The following VPS53 variants were observed in gnomAD, a reference collection of about 807,000 sequenced individuals.
VPS53 encodes the protein vacuolar protein sorting-associated protein 53 homolog.
VPS53 carries 70 observed loss-of-function variants against 107.0 expected under a neutral mutation model. The observed-to-expected ratio is 0.65, with a 90% confidence interval of 0.54 to 0.80. The LOEUF is 0.80. Ranked by LOEUF, VPS53 falls within the 30% of genes least tolerant of loss-of-function variation. VPS53 has a pLI of 0.00. For missense variants in VPS53, 917 were observed against 1,049.4 expected (o/e 0.87, Z 1.74); for synonymous variants, 409 against 393.3 (o/e 1.04, Z -0.47).
rs530358286 is a variant in VPS53 at position 713,462 on chromosome 17, G to A, written c.87+1161C>T. On this transcript the variant is annotated intron_variant, in intron 1 of 21. Transcript: ENST00000437048. ...GAGGTCAGGAGTTCAAGACCAGCCT[G>A]GCCAACATGGTGAAACCCGGTCTCT... 4.0e-5 allele frequency among the ~76,000 whole-genome samples: 6 copies of A among 151,618 alleles called. 1 individual carries two copies. In the South Asian group the frequency reaches 1.3e-3, roughly 32 times the overall value.
At chr17:676,470 A>C (rs970173620) in intron 4 of VPS53, 1 of 152,246 alleles carries the variant, frequency 6.6e-6, no homozygotes, top group African/African-American at 2.4e-5. Flanking sequence ...AATCAAAAGC[A>C]AGAGTGACCT....
chr17:643,470 A>T (rs368285781), intron 7 of VPS53, among the ~76,000 whole-genome samples: 5 of 119,858 alleles, frequency 4.2e-5, no homozygotes, highest in South Asian at 6.0e-4. Flanking sequence ...CTTGGAAATC[A>T]AGGACAACAC....
At chr17:604,064 G>C (rs1968447674) in intron 11 of VPS53, among the ~76,000 whole-genome samples, 2 of 152,330 alleles carry the variant, frequency 1.3e-5, no homozygotes, top group African/African-American at 2.4e-5. Flanking sequence ...GACAGACACA[G>C]AATTTGAGTT....
At chr17:657,291 G>C in intron 5 of VPS53, 1 of 821,146 alleles carries the variant, frequency 1.2e-6, no homozygotes, top group African/African-American at 1.7e-5. Flanking sequence ...ATTCTCTCCT[G>C]TCTTGTCAAT....
chr17:659,816 T>C (rs966937208), intron 5 of VPS53, among the ~76,000 whole-genome samples: 1 of 152,154 alleles, frequency 6.6e-6, no homozygotes, highest in Admixed American at 6.5e-5. Context: ...TACTCCTTGT[T>C]CAGGCCCTCA....
chr17:708,922 T>A (rs1237480728), intron 2 of VPS53, among the ~76,000 whole-genome samples: 1 of 152,230 alleles, frequency 6.6e-6, no homozygotes, highest in Admixed American at 6.5e-5. Flanking sequence ...TTGGAACAGG[T>A]TGTGCCTTCA....
At position 562,628 on chromosome 17, in the gene VPS53, G is replaced by C; in HGVS notation, c.1431C>G (p.Tyr477Ter). The change falls in exon 14 of 22, where the codon TAC becomes TAG. Residue 477 changes from tyrosine to a stop codon, truncating the protein, a stop_gained. Coordinates refer to ENST00000437048, the MANE Select transcript of VPS53 (RefSeq NM_001128159.3). LOFTEE classifies it high-confidence loss of function. ...VLPSCADLFV[Y>*]YKKCMVQCSQ... ...AGCATTGCACCATGCACTTCTTGTAGTAGACAAAGAGGTCGGCGCAGCTGG... is the reference window on the plus strand; with the variant it reads ...AGCATTGCACCATGCACTTCTTGTACTAGACAAAGAGGTCGGCGCAGCTGG... 1 of 1,613,986 alleles carries C rather than the reference G, an allele frequency of 6.2e-7. No homozygotes were observed. Among genetic ancestry groups the C allele is most frequent in the Non-Finnish European group, 8.5e-7 (1 of 1,180,006 alleles).
chr17:606,577 GT>G (rs774470107), intron 11 of VPS53, among the ~76,000 whole-genome samples: 1 of 152,114 alleles, frequency 6.6e-6, no homozygotes, highest in Non-Finnish European at 1.5e-5. Flanking sequence ...GTACAAGGCG[GT>G]TCCACTAGAT....
intron 13 of VPS53, among the ~76,000 whole-genome samples, chr17:567,787 G>A (rs151172093): frequency 0.017 from 2,645 of 152,030 alleles, 33 homozygotes; most frequent in Non-Finnish European, 0.025. Context: ...TACTTGGGAG[G>A]CTGAGGGAGG....
chr17:709,898 G>A (rs1267735050), intron 2 of VPS53, among the ~76,000 whole-genome samples: 1 of 152,168 alleles, frequency 6.6e-6, no homozygotes, highest in African/African-American at 2.4e-5. Context: ...TGTAATCCCA[G>A]CACTTTAGGG....
chr17:645,953 C>T (rs1259600669), intron 7 of VPS53, among the ~76,000 whole-genome samples: 1 of 136,326 alleles, frequency 7.3e-6, no homozygotes, highest in Non-Finnish European at 1.6e-5. Flanking sequence ...ACACACATCT[C>T]CGTGACCGTG....
chr17:542,005 G>A (rs1910727164), intron 17 of VPS53, among the ~76,000 whole-genome samples: 1 of 149,690 alleles, frequency 6.7e-6, no homozygotes, highest in Admixed American at 6.7e-5. Context: ...GGGGCTGAAG[G>A]AACGTTTATC....
rs551161027 is a variant in VPS53, at chr17:561,502, C to A, written c.1557-929G>T. On this transcript the variant is annotated intron_variant, in intron 14 of 21. Transcript: ENST00000437048. ...GGGAATAAAGCTATAAGCAGTATAG[C>A]CCCAATTCCGTGACACAAACAAACA... Among the ~76,000 whole-genome samples the A allele has an allele frequency of 9.2e-5, 14 of 152,300 alleles. No individual in the cohort carries two copies. The East Asian group carries it at 2.7e-3, about 29-fold the overall frequency.
At chr17:566,258 C>T (rs956114026) in intron 13 of VPS53, among the ~76,000 whole-genome samples, 2 of 151,798 alleles carry the variant, frequency 1.3e-5, no homozygotes, top group Admixed American at 6.6e-5. Flanking sequence ...TCCTGGGCCA[C>T]GGTAGGCAAT....
intron 13 of VPS53, among the ~76,000 whole-genome samples, chr17:570,899 C>T (rs943866734): frequency 2.6e-5 from 4 of 152,066 alleles, no homozygotes; most frequent in Non-Finnish European, 4.4e-5. Context: ...GTTGTATCAA[C>T]GTTAATTTCC....
chr17:644,654 G>T (rs564577365), intron 7 of VPS53, among the ~76,000 whole-genome samples: 1 of 151,662 alleles, frequency 6.6e-6, no homozygotes, highest in Non-Finnish European at 1.5e-5. Flanking sequence ...CACAGTCTCG[G>T]CTCACTGCAG....
At chr17:649,601 G>C (rs2543774) in intron 7 of VPS53, among the ~76,000 whole-genome samples, 4,723 of 59,080 alleles carry the variant, frequency 0.08, 492 homozygotes, top group Middle Eastern at 0.19. Context: ...AGATCTTACA[G>C]TGGAGGACAG....
chr17:661,221 G>C (rs751720137), intron 5 of VPS53, among the ~76,000 whole-genome samples: 5 of 151,286 alleles, frequency 3.3e-5, no homozygotes, highest in Admixed American at 6.6e-5. Context: ...TTTTCAGAAA[G>C]GAGAAAAAAA....
In VPS53 at chr17:714,828, A is replaced by T; in HGVS notation, c.-119T>A. On this transcript the variant is annotated 5_prime_UTR_variant, in exon 1 of 22. Transcript: ENST00000437048. ...GCGACCTGGTGAGCCCGGCTCCGTC[A>T]GCCGCTCTGTCAGCCGCTCCGGCAC... 8.8e-7 allele frequency: 1 copy of T among 1,141,370 alleles called. No individual in the cohort carries two copies. The highest frequency in any genetic ancestry group is 1.3e-6 in the Non-Finnish European group (1 of 769,866). The allele number at this position is 1,141,370 out of a possible 1,614,324, so 70.7% of individuals were successfully genotyped here.
Sources: gnomAD v4.1 joint callset for allele counts (sites outside exome capture counted in the v4.1 genomes callset) on GRCh38, gnomAD v4.1.1 for gene constraint, MANE v1.5 for transcripts, NCBI Gene and HGNC (gene_info 2026-07-23, HGNC 2026-07-21) for gene names.